KCNQ2: variants seen among roughly 807,000 people sequenced by gnomAD.
KCNQ2 encodes the protein potassium voltage-gated channel subfamily KQT member 2.
Under a neutral mutation model 84.8 loss-of-function variants are expected in KCNQ2, and 14 were observed. The observed-to-expected ratio is 0.17, with a 90% CI of 0.11 to 0.26. The LOEUF (loss-of-function observed/expected upper bound fraction) is 0.26. KCNQ2 is among the 10% of genes least tolerant of loss of function. The probability of loss-of-function intolerance (pLI) is 1.00; values close to 1 mark genes in which losing one functional copy is unlikely to be tolerated. For synonymous variants in KCNQ2, 599 were observed against 554.1 expected (o/e 1.08, Z -1.14); for missense variants, 788 against 1,254.0 (o/e 0.63, Z 5.61).
chr20:63,416,643 G>A (rs1039347922), intron 12 of KCNQ2, among the ~76,000 whole-genome samples: 1 of 152,160 alleles, frequency 6.6e-6, no homozygotes, highest in African/African-American at 2.4e-5. Flanking sequence ...CAGAGAGGAA[G>A]CCCAGTGCCT....
chr20:63,463,541 AAC>A (rs2082009272), intron 1 of KCNQ2: 2 of 152,244 alleles, frequency 1.3e-5, no homozygotes, highest in Non-Finnish European at 2.9e-5. Flanking sequence ...CAGGGGCAGA[AAC>A]ACATTAACCA....
At position 63,438,211 on chromosome 20, in the gene KCNQ2, G is replaced by A. The variant is rs1042107923; in HGVS notation, c.1023+414C>T. ...AAATGGTGGGACGGCACTGGGTGGG[G>A]TCCGGGCGGGCATCATGGGGGCCCA... is the stretch of plus-strand genomic sequence containing the variant. On this transcript the variant is annotated intron_variant, in intron 7 of 16. Transcript: ENST00000359125. The surrounding 1 kb of genome is among the most constrained non-coding windows in gnomAD (Gnocchi z 5.1). 2 of 311,690 alleles carry A rather than the reference G, an allele frequency of 6.4e-6. No homozygotes were observed. The highest frequency in any genetic ancestry group is 1.3e-5 in the Non-Finnish European group (2 of 159,814). The allele number at this position is 311,690 out of a possible 1,614,324, so 19.3% of individuals were successfully genotyped here.
rs2079840059 is a variant in KCNQ2 at position 63,402,957 on chromosome 20, G to A, written c.*3687C>T. ...ACTGTGATTTTATGCAGAGGGAGAA[G>A]GAGAAGCTGGGCCAGGAAACCACAA... On this transcript the variant is annotated 3_prime_UTR_variant, in exon 17 of 17. Transcript: ENST00000359125. 1 of 152,408 alleles carries A rather than the reference G, an allele frequency of 6.6e-6. No individual in the cohort carries two copies. The highest frequency in any genetic ancestry group is 1.9e-4 in the East Asian group (1 of 5,176). 9.4% of individuals were successfully genotyped at this position (152,408 alleles called of 1,614,324 possible). A position where few individuals can be genotyped will look rare whatever the true frequency, so the allele number is the denominator to read the frequency against.
At chr20:63,431,931 G>A (rs1181542375) in intron 8 of KCNQ2, among the ~76,000 whole-genome samples, 4 of 150,500 alleles carry the variant, frequency 2.7e-5, no homozygotes, top group Non-Finnish European at 5.9e-5. Flanking sequence ...CACCCTCAGG[G>A]AAGGCTCCAC....
At chr20:63,412,656 C>T (rs2080155476) in intron 15 of KCNQ2, among the ~76,000 whole-genome samples, 1 of 152,190 alleles carries the variant, frequency 6.6e-6, no homozygotes, top group Non-Finnish European at 1.5e-5. Flanking sequence ...TGGGCTGTGA[C>T]CCCCAGGCTG....
rs2080606340 is a variant in KCNQ2, at chr20:63,425,672, A to G, written c.1218-1466T>C. Among the ~76,000 whole-genome samples the G allele has an allele frequency of 6.6e-6, 1 of 152,078 alleles. No individual in the cohort carries two copies. The highest frequency in any genetic ancestry group is 1.9e-4 in the East Asian group (1 of 5,190). On this transcript the variant is annotated intron_variant, in intron 10 of 16. Coordinates refer to ENST00000359125, the MANE Select transcript of KCNQ2 (RefSeq NM_172107.4). The surrounding 1 kb of genome is among the most constrained non-coding windows in gnomAD (Gnocchi z 5.5). ...GAGGCAGAGGTTGCAGTAAGCTGTG[A>G]TTGCGCCACTGCACTCCAGCCTGAG... is the stretch of plus-strand genomic sequence containing the variant.
At chr20:63,442,059 C>T (rs1364571503) in intron 5 of KCNQ2, among the ~76,000 whole-genome samples, 1 of 152,182 alleles carries the variant, frequency 6.6e-6, no homozygotes, top group Non-Finnish European at 1.5e-5. Flanking sequence ...CAGGACAGAT[C>T]TCCTAGGGAT....
chr20:63,421,728 TG>T (rs989183749), intron 11 of KCNQ2, among the ~76,000 whole-genome samples: 63 of 152,070 alleles, frequency 4.1e-4, no homozygotes, highest in African/African-American at 1.5e-3. Context: ...CAGCCGGTGT[TG>T]GGGGCTCCTC....
intron 7 of KCNQ2, among the ~76,000 whole-genome samples, chr20:63,435,993 T>C (rs1436784525): frequency 6.6e-6 from 1 of 151,778 alleles, no homozygotes; most frequent in Non-Finnish European, 1.5e-5. Context: ...TTCTTTTTTT[T>C]TTTTTTTGGT....
At chr20:63,420,921 C>G (rs1054682057) in intron 11 of KCNQ2, among the ~76,000 whole-genome samples, 9 of 152,182 alleles carry the variant, frequency 5.9e-5, no homozygotes, top group African/African-American at 1.9e-4. Flanking sequence ...CAGGAGGGAG[C>G]CGGCTCCCTG....
intron 7 of KCNQ2, chr20:63,434,704 G>A (rs1108457): frequency 0.19 from 29,624 of 152,244 alleles, 3,578 homozygotes; most frequent in Non-Finnish European, 0.28. Context: ...CAAGCTGCAC[G>A]GCCTTCCCCG....
At chr20:63,466,963 C>T (rs185853515) in intron 1 of KCNQ2, among the ~76,000 whole-genome samples, 130 of 152,378 alleles carry the variant, frequency 8.5e-4, no homozygotes, top group African/African-American at 3.0e-3. Flanking sequence ...TGAGGTAACA[C>T]GCTTGGGCTC....
chr20:63,411,970 G>A (rs188358207), intron 15 of KCNQ2: 24 of 676,796 alleles, frequency 3.5e-5, no homozygotes, highest in East Asian at 2.9e-5. Context: ...TGGCGGAAAC[G>A]GAAGCAACAG....
chr20:63,445,648 C>CCTGTCTG lies in KCNQ2; in HGVS notation c.388-285_388-284insCAGACAG, dbSNP rs1254424470. 410 of 416,626 alleles carry CCTGTCTG rather than the reference C, an allele frequency of 9.8e-4. 20 individuals are homozygous for CCTGTCTG. Among genetic ancestry groups the CCTGTCTG allele is most frequent in the South Asian group, 9.3e-3 (391 of 42,080 alleles). 25.8% of individuals were successfully genotyped at this position (416,626 alleles called of 1,614,324 possible). A position where few individuals can be genotyped will look rare whatever the true frequency, so the allele number is the denominator to read the frequency against. Reference sequence around the variant, plus strand: ...GGGGACTCTATCTGGGCTAGGGGACCATGTCTGAGCTGGCAGGGCTGCCCT... The same window carrying CCTGTCTG: ...GGGGACTCTATCTGGGCTAGGGGACCCTGTCTGATGTCTGAGCTGGCAGGGCTGCCCT... On this transcript the variant is annotated intron_variant, in intron 2 of 16. Coordinates refer to ENST00000359125, the MANE Select transcript of KCNQ2 (RefSeq NM_172107.4).
chr20:63,449,821 G>A (rs1033759397), intron 1 of KCNQ2, among the ~76,000 whole-genome samples: 1 of 151,774 alleles, frequency 6.6e-6, no homozygotes, highest in Non-Finnish European at 1.5e-5. Flanking sequence ...CAGGCCATCC[G>A]GGCACAAACC....
intron 4 of KCNQ2, chr20:63,443,484 CCACCAT>C (rs1400867088): frequency 0.057 from 2,012 of 35,422 alleles, 27 homozygotes; most frequent in Non-Finnish European, 0.062. Flanking sequence ...ATCATCACCA[CCACCAT>C]CACCATCACC....
At chr20:63,426,180 G>A (rs897001638) in intron 10 of KCNQ2, among the ~76,000 whole-genome samples, 19 of 152,224 alleles carry the variant, frequency 1.2e-4, no homozygotes, top group Non-Finnish European at 2.1e-4. Context: ...TGCCAATCTA[G>A]TTTCTGCTGG....
In KCNQ2 at chr20:63,407,805, G is replaced by A. The variant is rs193095537; in HGVS notation, c.1888-430C>T. ...CCTGCTCCCTGGAAGCTGGAGGAGC[G>A]GGAAGAGGAGGCCCAGGAGCAGCTC... On this transcript the variant is annotated intron_variant, in intron 16 of 16. Coordinates refer to ENST00000359125, the MANE Select transcript of KCNQ2 (RefSeq NM_172107.4). This position sits in a 1 kb window ranked among gnomAD's most constrained non-coding sequence, Gnocchi z 7.2. 3.9e-4 allele frequency among the ~76,000 whole-genome samples: 59 copies of A among 152,236 alleles called. No homozygotes were observed. The highest frequency in any genetic ancestry group is 2.2e-3 in the Admixed American group (34 of 15,300).
intron 5 of KCNQ2, among the ~76,000 whole-genome samples, chr20:63,441,736 C>T (rs2081167717): frequency 1.3e-5 from 2 of 152,188 alleles, no homozygotes; most frequent in Non-Finnish European, 2.9e-5. Context: ...CACCCAAGCC[C>T]CGACTGGGAA....
Sources: gnomAD v4.1 joint callset for allele counts (sites outside exome capture counted in the v4.1 genomes callset) on GRCh38, gnomAD v4.1.1 for gene constraint, Gnocchi (gnomAD v3.1) non-coding constraint, MANE v1.5 for transcripts, NCBI Gene and HGNC (gene_info 2026-07-23, HGNC 2026-07-21) for gene names.